KCNH8: variants seen among roughly 807,000 people sequenced by gnomAD.
KCNH8 encodes the protein voltage-gated delayed rectifier potassium channel KCNH8.
A neutral mutation model predicts 103.6 loss-of-function variants in KCNH8; 70 were observed. That is an observed-to-expected ratio of 0.68 (90% CI 0.56 to 0.82). The LOEUF is 0.82. Among genes scored for constraint, KCNH8 ranks in the 40% least tolerant of loss-of-function variants. The pLI, the probability that KCNH8 is intolerant of heterozygous loss-of-function variation, is 0.00. For missense variants in KCNH8, 1,217 were observed against 1,329.9 expected (o/e 0.92, Z 1.32); for synonymous variants, 498 against 489.4 (o/e 1.02, Z -0.23).
intron 3 of KCNH8, among the ~76,000 whole-genome samples, chr3:19,332,929 G>A (rs376909497): frequency 1.3e-5 from 2 of 152,174 alleles, no homozygotes; most frequent in Non-Finnish European, 2.9e-5. Context: ...CATTGAGCCC[G>A]GCATAGAGTG....
chr3:19,297,998 T>A (rs1196244976), intron 3 of KCNH8, among the ~76,000 whole-genome samples: 2 of 152,194 alleles, frequency 1.3e-5, no homozygotes, highest in Non-Finnish European at 2.9e-5. Flanking sequence ...TTTTTTGGTG[T>A]CTCTCCATGG....
chr3:19,206,901 C>A (rs1362081199), intron 1 of KCNH8, among the ~76,000 whole-genome samples: 1 of 151,894 alleles, frequency 6.6e-6, no homozygotes, highest in Non-Finnish European at 1.5e-5. Context: ...TGGAAAATAT[C>A]GGAAGAAGAG....
chr3:19,300,395 C>T lies in KCNH8; in HGVS notation c.442+19066C>T, dbSNP rs184985107. Among the ~76,000 whole-genome samples the T allele has an allele frequency of 1.1e-3, 166 of 152,118 alleles. 4 individuals are homozygous for T. In the South Asian group the frequency reaches 0.013, roughly 12 times the overall value. On this transcript the variant is annotated intron_variant, in intron 3 of 15. Transcript: ENST00000328405. Reference sequence around the variant, plus strand: ...CACCATGGGGCAAGTTGATAAATACCGAAACAAGACAGAGAAACATAGTTA... The same window carrying T: ...CACCATGGGGCAAGTTGATAAATACTGAAACAAGACAGAGAAACATAGTTA...
intron 11 of KCNH8, among the ~76,000 whole-genome samples, chr3:19,467,751 G>C (rs908804556): frequency 6.6e-6 from 1 of 152,176 alleles, no homozygotes; most frequent in Non-Finnish European, 1.5e-5. Flanking sequence ...AAATCAAACT[G>C]TCTCATTTTG....
chr3:19,466,514 T>G (rs951250932), intron 11 of KCNH8, among the ~76,000 whole-genome samples: 1 of 152,214 alleles, frequency 6.6e-6, no homozygotes, highest in Non-Finnish European at 1.5e-5. Context: ...CAGAAATTGC[T>G]GCAGCCACCC....
chr3:19,528,373 A>G (rs1224387014), intron 15 of KCNH8, among the ~76,000 whole-genome samples: 1 of 152,020 alleles, frequency 6.6e-6, no homozygotes, highest in African/African-American at 2.4e-5. Flanking sequence ...CAGAGAATTA[A>G]AACTACCCAT....
At chr3:19,498,532 G>C (rs1415370994) in intron 11 of KCNH8, among the ~76,000 whole-genome samples, 2 of 152,078 alleles carry the variant, frequency 1.3e-5, no homozygotes, top group African/African-American at 2.4e-5. Context: ...TAAAATTCTT[G>C]GTGGAAAATT....
chr3:19,169,100 C>T (rs1005049336), intron 1 of KCNH8, among the ~76,000 whole-genome samples: 1 of 152,104 alleles, frequency 6.6e-6, no homozygotes, highest in African/African-American at 2.4e-5. Context: ...TAAATGAGCA[C>T]CCAGTGACTC....
intron 1 of KCNH8, among the ~76,000 whole-genome samples, chr3:19,233,546 T>C (rs1487774983): frequency 6.6e-6 from 1 of 152,162 alleles, no homozygotes; most frequent in Admixed American, 6.5e-5. Context: ...AGCAAATAGA[T>C]GTACAGCAGA....
At chr3:19,485,426 G>A (rs551770879) in intron 11 of KCNH8, among the ~76,000 whole-genome samples, 5 of 152,204 alleles carry the variant, frequency 3.3e-5, no homozygotes, top group African/African-American at 7.2e-5. Flanking sequence ...GGCAAGTAAC[G>A]CACTGTTGTG....
intron 11 of KCNH8, among the ~76,000 whole-genome samples, chr3:19,481,313 G>C (rs1025213746): frequency 1.3e-5 from 2 of 151,790 alleles, no homozygotes; most frequent in Non-Finnish European, 2.9e-5. Context: ...CTCCCCAAAG[G>C]CTTCATTGCA....
intron 15 of KCNH8, among the ~76,000 whole-genome samples, chr3:19,522,260 G>A (rs1198290240): frequency 2.0e-5 from 3 of 151,882 alleles, no homozygotes; most frequent in East Asian, 1.9e-4. Flanking sequence ...TTGGCAAACT[G>A]GAGAACCAGG....
chr3:19,391,385 C>T (rs2125131339), intron 6 of KCNH8, among the ~76,000 whole-genome samples: 1 of 151,976 alleles, frequency 6.6e-6, no homozygotes, highest in South Asian at 2.1e-4. Flanking sequence ...TTTAGGGAGG[C>T]CATTTGTGAA....
At chr3:19,479,709 TTA>T (rs2068049762) in intron 11 of KCNH8, among the ~76,000 whole-genome samples, 2 of 152,208 alleles carry the variant, frequency 1.3e-5, no homozygotes, top group Non-Finnish European at 2.9e-5. Context: ...TGTGTCTCTA[TTA>T]TATGATACTT....
chr3:19,174,377 A>T (rs1406542195), intron 1 of KCNH8, among the ~76,000 whole-genome samples: 5 of 152,224 alleles, frequency 3.3e-5, no homozygotes, highest in African/African-American at 9.6e-5. Context: ...AGTATTAAAA[A>T]TGTCTCCAAA....
At chr3:19,202,495 C>G (rs1006427046) in intron 1 of KCNH8, among the ~76,000 whole-genome samples, 1 of 151,986 alleles carries the variant, frequency 6.6e-6, no homozygotes, top group East Asian at 1.9e-4. Flanking sequence ...TTGTGTTTGC[C>G]GATAATACAA....
chr3:19,348,972 T>C (rs951551955), intron 5 of KCNH8, among the ~76,000 whole-genome samples: 1 of 151,952 alleles, frequency 6.6e-6, no homozygotes, highest in Admixed American at 6.6e-5. Flanking sequence ...GTTTTCTGGT[T>C]GAATGTCAGC....
chr3:19,314,893 T>C (rs929623074), intron 3 of KCNH8: 1 of 154,202 alleles, frequency 6.5e-6, no homozygotes, highest in Non-Finnish European at 1.5e-5. Context: ...AAATTCTCAT[T>C]GATATGGAGC....
At chr3:19,390,164 T>G (rs933020795) in intron 5 of KCNH8, among the ~76,000 whole-genome samples, 1 of 152,098 alleles carries the variant, frequency 6.6e-6, no homozygotes, top group Non-Finnish European at 1.5e-5. Flanking sequence ...ATTATTTATT[T>G]TAATAATCTT....
Sources: gnomAD v4.1 joint callset for allele counts (sites outside exome capture counted in the v4.1 genomes callset) on GRCh38, gnomAD v4.1.1 for gene constraint, MANE v1.5 for transcripts, NCBI Gene and HGNC (gene_info 2026-07-23, HGNC 2026-07-21) for gene names.